The following WIPF1 variants were observed in gnomAD, a reference collection of about 807,000 sequenced individuals.
WIPF1 encodes WAS/WASL interacting protein family member 1.
A neutral mutation model predicts 35.4 loss-of-function variants in WIPF1; 13 were observed. The ratio of observed to expected loss-of-function variants is 0.37; its 90% confidence interval spans 0.24 to 0.58. The LOEUF (loss-of-function observed/expected upper bound fraction) is 0.58. Among genes scored for constraint, WIPF1 ranks in the 20% least tolerant of loss-of-function variants. The pLI is 0.74. For missense variants in WIPF1, 591 were observed against 667.0 expected (o/e 0.89, Z 1.25); for synonymous variants, 267 against 266.3 (o/e 1.00, Z -0.02).
In WIPF1 at chr2:174,622,545, A is replaced by G. The variant is rs1686707377; in HGVS notation, c.-38-36934T>C. Among the ~76,000 whole-genome samples, 1 of 152,194 alleles carries G rather than the reference A, an allele frequency of 6.6e-6. No individual in the cohort carries two copies. Among genetic ancestry groups the G allele is most frequent in the Non-Finnish European group, 1.5e-5 (1 of 68,040 alleles). ...CTTGGGGAAGGGAAAGGAACGTAAC[A>G]CTATAGGATCCCCTCTCTATGCCGC... On this transcript the variant is annotated intron_variant, in intron 1 of 8. Transcript: ENST00000272746. This position sits in a 1 kb window ranked among gnomAD's most constrained non-coding sequence, Gnocchi z 5.1.
chr2:174,676,852 T>C (rs552022936), intron 1 of WIPF1, among the ~76,000 whole-genome samples: 8 of 152,312 alleles, frequency 5.3e-5, no homozygotes, highest in Non-Finnish European at 1.2e-4. Context: ...AAGCTAATTA[T>C]GTATAAGAAT....
chr2:174,584,742 T>C (rs1685347729), intron 2 of WIPF1, among the ~76,000 whole-genome samples: 2 of 152,080 alleles, frequency 1.3e-5, no homozygotes, highest in Non-Finnish European at 2.9e-5. Context: ...TGAAACCCCG[T>C]CCATACTAAA....
At chr2:174,627,194 T>C (rs565917392) in intron 1 of WIPF1, among the ~76,000 whole-genome samples, 1 of 152,222 alleles carries the variant, frequency 6.6e-6, no homozygotes, top group Non-Finnish European at 1.5e-5. Context: ...CTCCACAGCA[T>C]GTATCCCTTC....
intron 1 of WIPF1, among the ~76,000 whole-genome samples, chr2:174,643,769 AG>A (rs1687346171): frequency 2.0e-5 from 3 of 152,166 alleles, no homozygotes; most frequent in African/African-American, 7.2e-5. Flanking sequence ...CAGTGCATAA[AG>A]GTTCATTATT....
chr2:174,681,650 G>A (rs1688246795), intron 1 of WIPF1, among the ~76,000 whole-genome samples: 1 of 152,200 alleles, frequency 6.6e-6, no homozygotes, highest in South Asian at 2.1e-4. Flanking sequence ...CATCCGACGG[G>A]AGTCTGGGGC....
intron 1 of WIPF1, among the ~76,000 whole-genome samples, chr2:174,662,971 C>T (rs1049811549): frequency 7.9e-5 from 12 of 152,186 alleles, no homozygotes; most frequent in African/African-American, 2.9e-4. Flanking sequence ...ACAAAATTAA[C>T]GTTTAAATGT....
chr2:174,589,757 A>T (rs1462077594), intron 1 of WIPF1, among the ~76,000 whole-genome samples: 1 of 149,998 alleles, frequency 6.7e-6, no homozygotes, highest in African/African-American at 2.5e-5. Context: ...GTGATATTTC[A>T]CATCATATTA....
chr2:174,660,656 C>A (rs2105973670), intron 1 of WIPF1, among the ~76,000 whole-genome samples: 1 of 152,220 alleles, frequency 6.6e-6, no homozygotes, highest in East Asian at 1.9e-4. Flanking sequence ...CAGGGAGGTA[C>A]TGCACTGATG....
intron 1 of WIPF1, among the ~76,000 whole-genome samples, chr2:174,588,622 GT>G (rs2105849647): frequency 6.6e-6 from 1 of 152,320 alleles, no homozygotes; most frequent in South Asian, 2.1e-4. Context: ...GGGAGGGCGT[GT>G]TAACTTCATG....
At chr2:174,589,390 G>T (rs914127175) in intron 1 of WIPF1, among the ~76,000 whole-genome samples, 3 of 152,236 alleles carry the variant, frequency 2.0e-5, no homozygotes, top group Non-Finnish European at 4.4e-5. Flanking sequence ...GCTTGCTAGT[G>T]TTGCAGACTG....
intron 1 of WIPF1, among the ~76,000 whole-genome samples, chr2:174,597,023 G>A (rs549413961): frequency 3.9e-5 from 6 of 152,250 alleles, no homozygotes; most frequent in Non-Finnish European, 8.8e-5. Context: ...TTTGATTTGC[G>A]ATAGTAATTG....
At chr2:174,659,667 G>A (rs1050388932) in intron 1 of WIPF1, among the ~76,000 whole-genome samples, 1 of 152,178 alleles carries the variant, frequency 6.6e-6, no homozygotes, top group African/African-American at 2.4e-5. Flanking sequence ...ACTTGGGGTA[G>A]GAGATGACTC....
chr2:174,643,067 C>T (rs1295009778), intron 1 of WIPF1, among the ~76,000 whole-genome samples: 1 of 149,296 alleles, frequency 6.7e-6, no homozygotes, highest in Non-Finnish European at 1.5e-5. Context: ...TTTCTAAGTG[C>T]TTAGATGGAG....
At chr2:174,574,740 C>T (rs1684988962) in intron 4 of WIPF1, 1 of 635,722 alleles carries the variant, frequency 1.6e-6, no homozygotes, top group Non-Finnish European at 2.9e-6. Context: ...TCATGCAAAA[C>T]ACTTTTTCAG....
chr2:174,599,300 T>G (rs1685917242), upstream of WIPF1, among the ~76,000 whole-genome samples: 1 of 152,114 alleles, frequency 6.6e-6, no homozygotes, highest in Non-Finnish European at 1.5e-5. Flanking sequence ...ATACCAGAAG[T>G]GCTCCTACTG....
chr2:174,584,504 A>C (rs1685338908), intron 2 of WIPF1, among the ~76,000 whole-genome samples: 1 of 152,210 alleles, frequency 6.6e-6, no homozygotes, highest in South Asian at 2.1e-4. Context: ...AAGGCTTCAC[A>C]AGCTGGAGAG....
chr2:174,651,453 A>G (rs724746), intron 1 of WIPF1, among the ~76,000 whole-genome samples: 37,229 of 152,204 alleles, frequency 0.24, 6,282 homozygotes, highest in East Asian at 0.68. Flanking sequence ...AAACAATAGT[A>G]ACATACCTTT....
intron 1 of WIPF1, among the ~76,000 whole-genome samples, chr2:174,661,880 T>G (rs1687768950): frequency 6.6e-6 from 1 of 152,038 alleles, no homozygotes; most frequent in Non-Finnish European, 1.5e-5. Flanking sequence ...TGGGGGGGTG[T>G]GGCTGCCTTA....
upstream of WIPF1, among the ~76,000 whole-genome samples, chr2:174,601,652 T>C (rs1686011811): frequency 6.6e-6 from 1 of 152,262 alleles, no homozygotes; most frequent in Non-Finnish European, 1.5e-5. Flanking sequence ...GTAACAGTGC[T>C]GTCTGGCCTT....
Sources: gnomAD v4.1 joint callset for allele counts (sites outside exome capture counted in the v4.1 genomes callset) on GRCh38, gnomAD v4.1.1 for gene constraint, Gnocchi (gnomAD v3.1) non-coding constraint, MANE v1.5 for transcripts, NCBI Gene and HGNC (gene_info 2026-07-23, HGNC 2026-07-21) for gene names.